RYR2: variants seen among roughly 807,000 people sequenced by gnomAD.
RYR2 encodes the protein ryanodine receptor 2.
In RYR2, 227 loss-of-function variants were observed where a neutral mutation model predicts 601.1. The ratio of observed to expected loss-of-function variants is 0.38; its 90% CI spans 0.34 to 0.42. The LOEUF is 0.42. Among genes scored for constraint, RYR2 ranks in the 10% least tolerant of loss-of-function variants. The pLI is 1.00. For synonymous variants in RYR2, 2,223 were observed against 2,175.1 expected (o/e 1.02, Z -0.61); for missense variants, 4,646 against 6,156.5 (o/e 0.75, Z 8.21).
At chr1:237,107,273 A>T (rs1312885784) in intron 1 of RYR2, among the ~76,000 whole-genome samples, 1 of 152,022 alleles carries the variant, frequency 6.6e-6, no homozygotes, top group African/African-American at 2.4e-5. Context: ...AAAACATTGT[A>T]GGTTCTGGGA....
At position 237,160,974 on chromosome 1, in the gene RYR2, G is replaced by A. The variant is rs895205863; in HGVS notation, c.49-109523G>A. ...TGAGACTGTGTTTAATTAGAGGTAC[G>A]GCCCACGGCAGTTGTTTTCTTTACA... On this transcript the variant is annotated intron_variant, in intron 1 of 104. Transcript: ENST00000366574. 4.6e-5 allele frequency among the ~76,000 whole-genome samples: 7 copies of A among 151,952 alleles called. No individual in the cohort carries two copies. The South Asian group carries it at 6.2e-4, about 14-fold the overall frequency.
At chr1:237,149,402 A>G (rs1027276780) in intron 1 of RYR2, among the ~76,000 whole-genome samples, 9 of 152,214 alleles carry the variant, frequency 5.9e-5, no homozygotes, top group Admixed American at 5.2e-4. Context: ...AAGCTTTGAG[A>G]AGTACATGGT....
At chr1:237,233,500 G>T (rs1014758934) in intron 1 of RYR2, among the ~76,000 whole-genome samples, 1 of 151,890 alleles carries the variant, frequency 6.6e-6, no homozygotes, top group African/African-American at 2.4e-5. Context: ...ATTAGTTCTT[G>T]ATGGACCCTT....
chr1:237,105,298 T>C (rs1668540321), intron 1 of RYR2, among the ~76,000 whole-genome samples: 1 of 152,122 alleles, frequency 6.6e-6, no homozygotes, highest in African/African-American at 2.4e-5. Context: ...AAAACAATCA[T>C]ATTAAATGAA....
chr1:237,599,387 C>T (rs973649320), intron 34 of RYR2, among the ~76,000 whole-genome samples: 1 of 152,022 alleles, frequency 6.6e-6, no homozygotes, highest in African/African-American at 2.4e-5. Context: ...TAAAAGTTTA[C>T]TAAAAAACTG....
intron 2 of RYR2, among the ~76,000 whole-genome samples, chr1:237,329,917 A>G (rs1696546523): frequency 6.6e-6 from 1 of 152,186 alleles, no homozygotes; most frequent in Non-Finnish European, 1.5e-5. Flanking sequence ...ACAGATATAC[A>G]CAGAACAGGA....
chr1:237,133,086 G>A (rs527595017), intron 1 of RYR2, among the ~76,000 whole-genome samples: 4 of 152,308 alleles, frequency 2.6e-5, no homozygotes, highest in Admixed American at 6.5e-5. Context: ...AGGAGACAGC[G>A]TGGGTTGGGA....
intron 1 of RYR2, among the ~76,000 whole-genome samples, chr1:237,157,276 A>G (rs1675470917): frequency 1.6e-5 from 2 of 124,544 alleles, no homozygotes; most frequent in Non-Finnish European, 3.2e-5. Flanking sequence ...AGCCTGGGTG[A>G]CAGAGTGAGA....
chr1:237,448,677 C>A (rs1485481763), intron 14 of RYR2, among the ~76,000 whole-genome samples: 1 of 151,952 alleles, frequency 6.6e-6, no homozygotes, highest in Non-Finnish European at 1.5e-5. Flanking sequence ...TAAGTGCATA[C>A]CTGTTTAGGA....
chr1:237,104,166 C>A (rs780114115), intron 1 of RYR2, among the ~76,000 whole-genome samples: 1 of 152,116 alleles, frequency 6.6e-6, no homozygotes, highest in Non-Finnish European at 1.5e-5. Context: ...CTGGAGGGAG[C>A]GGCAGTAATT....
At chr1:237,597,016 C>T (rs939058243) in intron 34 of RYR2, among the ~76,000 whole-genome samples, 7 of 152,162 alleles carry the variant, frequency 4.6e-5, no homozygotes, top group African/African-American at 1.7e-4. Flanking sequence ...AGTGCTAAAG[C>T]TGGAAGCAAA....
chr1:237,111,692 C>T (rs752542833), intron 1 of RYR2, among the ~76,000 whole-genome samples: 4 of 150,900 alleles, frequency 2.7e-5, no homozygotes, highest in Non-Finnish European at 5.9e-5. Context: ...CAGTGGAAAT[C>T]TTTGCCATCT....
intron 1 of RYR2, among the ~76,000 whole-genome samples, chr1:237,232,131 G>A (rs1437767596): frequency 6.6e-6 from 1 of 152,130 alleles, no homozygotes; most frequent in African/African-American, 2.4e-5. Flanking sequence ...AAAATCCTTA[G>A]AATCTCCAAA....
chr1:237,247,426 A>G (rs763924755), intron 1 of RYR2, among the ~76,000 whole-genome samples: 7 of 152,190 alleles, frequency 4.6e-5, no homozygotes, highest in African/African-American at 7.2e-5. Flanking sequence ...CTAATCTTTA[A>G]TAAGAGAGGC....
At chr1:237,747,043 C>A (rs907594075) in intron 80 of RYR2, among the ~76,000 whole-genome samples, 2 of 152,082 alleles carry the variant, frequency 1.3e-5, no homozygotes, top group African/African-American at 4.8e-5. Flanking sequence ...TCTCTAAAAT[C>A]TGAGCATATA....
At chr1:237,201,929 G>T (rs1681241039) in intron 1 of RYR2, among the ~76,000 whole-genome samples, 1 of 152,134 alleles carries the variant, frequency 6.6e-6, no homozygotes, top group Admixed American at 6.5e-5. Context: ...TGAATTACTT[G>T]CCAGATGAAT....
chr1:237,577,584 T>C (rs995403386), intron 29 of RYR2, among the ~76,000 whole-genome samples: 4 of 150,408 alleles, frequency 2.7e-5, no homozygotes, highest in Non-Finnish European at 4.4e-5. Flanking sequence ...GAGATCGATC[T>C]GGGAGTCAGG....
intron 2 of RYR2, among the ~76,000 whole-genome samples, chr1:237,295,671 C>T (rs1356737032): frequency 6.6e-6 from 1 of 152,072 alleles, no homozygotes; most frequent in Non-Finnish European, 1.5e-5. Flanking sequence ...CCGCTAGAAT[C>T]TCTATGAACA....
In RYR2 at chr1:237,643,403, T is replaced by C; in HGVS notation, c.7298T>C (p.Val2433Ala). Reference protein sequence around the residue: ...LRSLIPLGDLVGVISIAFQMP... With the variant: ...LRSLIPLGDLAGVISIAFQMP... The stretch of plus-strand genomic sequence containing the variant: ...TCCCTCATTCCCCTGGGAGATTTGG[T>C]GGGCGTTATCAGCATCGCTTTTCAG... The change falls in exon 48 of 105, where the codon GTG becomes GCG. Residue 2433 changes from valine to alanine, a missense_variant. Physicochemically the swap from Val to Ala is moderately conservative, Grantham distance 64 (BLOSUM62 0). Around this residue, in one of 17 missense-constraint regions of RYR2, gnomAD observed 1,497 missense variants for 1,842.6 expected, o/e 0.81. Transcript: ENST00000366574. The C allele has an allele frequency of 6.2e-7, 1 of 1,613,940 alleles. No individual in the cohort carries two copies. Among genetic ancestry groups the C allele is most frequent in the Non-Finnish European group, 8.5e-7 (1 of 1,179,854 alleles).
Sources: gnomAD v4.1 joint callset for allele counts (sites outside exome capture counted in the v4.1 genomes callset) on GRCh38, gnomAD v4.1.1 for gene constraint, gnomAD v4.1.1 regional missense constraint, MANE v1.5 for transcripts, NCBI Gene and HGNC (gene_info 2026-07-23, HGNC 2026-07-21) for gene names.